ABTB2: variants seen among roughly 807,000 people sequenced by gnomAD.
ABTB2 encodes ankyrin repeat and BTB domain containing 2, also known as ankyrin repeat and BTB/POZ domain-containing protein 2.
ABTB2 carries 56 observed loss-of-function variants against 104.1 expected under a neutral mutation model. The ratio of observed to expected loss-of-function variants is 0.54; its 90% CI spans 0.43 to 0.67. ABTB2 has a LOEUF of 0.67. ABTB2 is among the 30% of genes least tolerant of loss of function. The pLI, the probability that ABTB2 is intolerant of heterozygous loss-of-function variation, is 0.00. For missense variants in ABTB2, 1,279 were observed against 1,407.7 expected (o/e 0.91, Z 1.46); for synonymous variants, 606 against 608.2 (o/e 1.00, Z 0.05).
intron 1 of ABTB2, among the ~76,000 whole-genome samples, chr11:34,333,957 T>G (rs143503534): frequency 4.7e-4 from 70 of 148,910 alleles, no homozygotes; most frequent in African/African-American, 1.7e-3. Flanking sequence ...AGCACATGAC[T>G]GATGTGTCTC....
rs1315275376 is a variant in ABTB2, at chr11:34,357,139, G to C, written c.445C>G (p.Leu149Val). 1 of 1,499,178 alleles carries C rather than the reference G, an allele frequency of 6.7e-7. No homozygotes were observed. The highest frequency in any genetic ancestry group is 1.4e-5 in the African/African-American group (1 of 70,656). 92.9% of individuals were successfully genotyped at this position (1,499,178 alleles called of 1,614,324 possible). A position where few individuals can be genotyped will look rare whatever the true frequency, so the allele number is the denominator to read the frequency against. The change falls in exon 1 of 17, where the codon CTG (leucine) becomes GTG (valine). Residue 149 changes from leucine (L) to valine (V), a missense_variant. Transcript: ENST00000435224. ...VAREAQRLSVLHAKCTRFEVQ... is the reference protein window; with the variant it reads ...VAREAQRLSVVHAKCTRFEVQ... ...TCAAAGCGGGTGCACTTGGCGTGCA[G>C]CACGCTCAGGCGCTGCGCCTCGCGG... is the stretch of plus-strand genomic sequence containing the variant.
chr11:34,255,165 C>G (rs1470175268), intron 1 of ABTB2, among the ~76,000 whole-genome samples: 1 of 152,154 alleles, frequency 6.6e-6, no homozygotes, highest in Non-Finnish European at 1.5e-5. Flanking sequence ...CTGGCTCAAG[C>G]TGAATCGGAT....
chr11:34,160,527 G>A (rs1054255755), intron 11 of ABTB2, among the ~76,000 whole-genome samples, 174 bp from the exon 12 acceptor site: 4 of 151,990 alleles, frequency 2.6e-5, no homozygotes, highest in African/African-American at 4.8e-5. Context: ...AGTGATTCCC[G>A]AAATGGCTTT....
chr11:34,313,022 A>G (rs1590252252), intron 1 of ABTB2, among the ~76,000 whole-genome samples: 1 of 152,234 alleles, frequency 6.6e-6, no homozygotes, highest in Non-Finnish European at 1.5e-5. Flanking sequence ...AGAATAGAAA[A>G]GACCCAATTT....
chr11:34,349,839 C>T (rs1222454067), intron 1 of ABTB2, among the ~76,000 whole-genome samples: 15 of 152,246 alleles, frequency 9.9e-5, no homozygotes, highest in East Asian at 3.9e-4. Context: ...GTCAATGGTG[C>T]CCTGTGATCA....
intron 5 of ABTB2, 93 bp from the exon 6 acceptor site, chr11:34,168,085 C>G: frequency 6.5e-6 from 8 of 1,233,482 alleles, no homozygotes; most frequent in Non-Finnish European, 9.2e-6. Flanking sequence ...ACAGATCGGG[C>G]ACCCCGCCAC....
chr11:34,220,594 G>A (rs923213517), intron 1 of ABTB2, among the ~76,000 whole-genome samples: 4 of 152,160 alleles, frequency 2.6e-5, no homozygotes, highest in African/African-American at 9.7e-5. Context: ...CAGAGAGTGG[G>A]GCCAGAGCCA....
At chr11:34,181,027 C>G (rs1853019517) in intron 3 of ABTB2, among the ~76,000 whole-genome samples, 1 of 152,192 alleles carries the variant, frequency 6.6e-6, no homozygotes, top group South Asian at 2.1e-4. Flanking sequence ...GCCTCAGCCT[C>G]CTGAGTAGCT....
chr11:34,215,443 T>G (rs191419309), intron 1 of ABTB2, among the ~76,000 whole-genome samples: 4 of 152,360 alleles, frequency 2.6e-5, no homozygotes, highest in Non-Finnish European at 4.4e-5. Context: ...AACATGAGTA[T>G]ATTCATCAGA....
At chr11:34,213,302 A>C (rs1007823828) in intron 1 of ABTB2, among the ~76,000 whole-genome samples, 38 of 152,132 alleles carry the variant, frequency 2.5e-4, no homozygotes, top group Admixed American at 2.5e-3. Flanking sequence ...ACATGGTGAA[A>C]TCCCCCATCT....
chr11:34,160,824 C>A, intron 11 of ABTB2, 79 bp downstream of exon 11: 1 of 1,468,696 alleles, frequency 6.8e-7, no homozygotes. Flanking sequence ...GTCCACGTGT[C>A]TGCCTGTGTG....
chr11:34,311,553 C>A (rs567146167), intron 1 of ABTB2, among the ~76,000 whole-genome samples: 1 of 152,106 alleles, frequency 6.6e-6, no homozygotes, highest in African/African-American at 2.4e-5. Flanking sequence ...ATTCTGAAGC[C>A]GCTGCTAATA....
At chr11:34,244,017 G>A (rs138379528) in intron 1 of ABTB2, among the ~76,000 whole-genome samples, 320 of 152,318 alleles carry the variant, frequency 2.1e-3, no homozygotes, top group African/African-American at 7.2e-3. Context: ...ACAGCCCCCC[G>A]CTGAAATTCA....
Position 34,195,085 on chromosome 11 carries a change from G to GC in ABTB2, c.1244+2239_1244+2240insG, listed in dbSNP as rs1565137675. Among the ~76,000 whole-genome samples the GC allele has an allele frequency of 4.8e-3, 370 of 77,664 alleles. 72 individuals are homozygous for GC. Among genetic ancestry groups the GC allele is most frequent in the Non-Finnish European group, 9.6e-3 (305 of 31,864 alleles). The allele number at this position is 77,664 out of a possible 152,430, so 51.0% of individuals were successfully genotyped here. ...GACAAAGATGCCCGGCGGGGGGGGG[G>GC]AGTGGGGGCGGGAGAAAGTGCCAGC... On this transcript the variant is annotated intron_variant, in intron 3 of 16. Coordinates refer to ENST00000435224, the MANE Select transcript of ABTB2 (RefSeq NM_145804.3).
intron 3 of ABTB2, among the ~76,000 whole-genome samples, chr11:34,181,915 A>T (rs1853032258): frequency 6.6e-6 from 1 of 152,164 alleles, no homozygotes; most frequent in Non-Finnish European, 1.5e-5. Context: ...AGTCAGAGCC[A>T]AGCACTGGGG....
rs138444923 is a variant in ABTB2, at chr11:34,281,240, C to A, written c.883+75461G>T. Among the ~76,000 whole-genome samples the A allele has an allele frequency of 4.2e-3, 647 of 152,292 alleles. 4 individuals are homozygous for A. Among genetic ancestry groups the A allele is most frequent in the African/African-American group, 0.014 (602 of 41,554 alleles). ...CCTAGCAAGGGTTCTCTAAGACCTT[C>A]CCACTCAGACAGCTGATCCTGATTC... On this transcript the variant is annotated intron_variant, in intron 1 of 16. Transcript: ENST00000435224.
At position 34,274,731 on chromosome 11, in the gene ABTB2, G is replaced by A. The variant is rs115864375; in HGVS notation, c.884-70041C>T. ...GTGGGAGGTATGAGGTCAGACCAAT[G>A]GTTCTGCAGAACCCTGTTTCAGACC... On this transcript the variant is annotated intron_variant, in intron 1 of 16. Transcript: ENST00000435224. Among the ~76,000 whole-genome samples the A allele has an allele frequency of 6.7e-3, 1,019 of 152,164 alleles. 9 individuals are homozygous for A. The highest frequency in any genetic ancestry group is 0.024 in the African/African-American group (982 of 41,516).
intron 1 of ABTB2, among the ~76,000 whole-genome samples, chr11:34,246,008 G>A (rs1025003555): frequency 6.6e-6 from 1 of 152,252 alleles, no homozygotes; most frequent in Non-Finnish European, 1.5e-5. Context: ...CTCAGGGACT[G>A]GCTTTGCTGC....
At chr11:34,231,439 C>T (rs1853767939) in intron 1 of ABTB2, among the ~76,000 whole-genome samples, 1 of 152,168 alleles carries the variant, frequency 6.6e-6, no homozygotes, top group African/African-American at 2.4e-5. Context: ...CTAAAGACTA[C>T]AGAGTGGACG....
Sources: gnomAD v4.1 joint callset for allele counts (sites outside exome capture counted in the v4.1 genomes callset) on GRCh38, gnomAD v4.1.1 for gene constraint, MANE v1.5 for transcripts, NCBI Gene and HGNC (gene_info 2026-07-23, HGNC 2026-07-21) for gene names.